Variants in C9 observed in about 807,000 individuals in gnomAD.
C9 encodes complement component C9.
A neutral mutation model predicts 65.4 loss-of-function variants in C9; 63 were observed. That is an observed-to-expected ratio of 0.96 (90% CI 0.79 to 1.19). C9 has a LOEUF of 1.19. Among genes scored for constraint, C9 ranks in the 50% most tolerant of loss-of-function variants. C9 has a pLI of 0.00. For missense variants in C9, 744 were observed against 670.1 expected, an observed-to-expected ratio of 1.11 and a Z score of -1.22; for synonymous variants, 229 against 227.9, an observed-to-expected ratio of 1.00 and a Z score of -0.04.
intron 1 of C9, among the ~76,000 whole-genome samples, chr5:39,357,942 G>A (rs192181660): frequency 9.9e-5 from 15 of 152,220 alleles, no homozygotes; most frequent in African/African-American, 3.6e-4. Context: ...TGTGTACGAA[G>A]CCACCTACGA....
chr5:39,322,963 C>T (rs1000690798), intron 5 of C9, among the ~76,000 whole-genome samples: 1 of 151,920 alleles, frequency 6.6e-6, no homozygotes, highest in African/African-American at 2.4e-5. Context: ...GGGACCAATT[C>T]CTCATAGATA....
intron 5 of C9, among the ~76,000 whole-genome samples, chr5:39,326,419 A>G (rs921165916): frequency 1.3e-5 from 2 of 152,186 alleles, no homozygotes; most frequent in Non-Finnish European, 2.9e-5. Flanking sequence ...GCCTTTTGTC[A>G]TCTGCTTCTT....
chr5:39,348,510 G>C (rs1050165403), intron 1 of C9, among the ~76,000 whole-genome samples: 1 of 152,216 alleles, frequency 6.6e-6, no homozygotes, highest in East Asian at 1.9e-4. Context: ...TCATTAAAAA[G>C]TCAGGAAACA....
chr5:39,347,313 C>A (rs766471641), intron 1 of C9, among the ~76,000 whole-genome samples: 5 of 152,210 alleles, frequency 3.3e-5, no homozygotes, highest in Non-Finnish European at 5.9e-5. Context: ...TGATAAGCAA[C>A]TTCAGCAAAG....
At position 39,341,608 on chromosome 5, in the gene C9, C is replaced by T. The variant is rs1187613025; in HGVS notation, c.276G>A (p.Glu92=). The change falls in exon 3 of 11, where the codon GAG becomes GAA. Residue 92 remains glutamate, a synonymous_variant. Transcript: ENST00000263408. ...AGTCATCCTCAGCATCCTCACAGGG[C>T]TCTGTGGGCACACACTGTCGTCTGT... ...VGDRRQCVPT[E]PCEDAEDDCG... is the part of the protein sequence containing the mutation. The T allele has an allele frequency of 1.2e-6, 2 of 1,614,106 alleles. No individual in the cohort carries two copies. Among genetic ancestry groups the T allele is most frequent in the Non-Finnish European group, 1.7e-6 (2 of 1,179,934 alleles).
At chr5:39,306,325 T>C (rs1217182334) in intron 9 of C9, among the ~76,000 whole-genome samples, 1 of 152,134 alleles carries the variant, frequency 6.6e-6, no homozygotes, top group Non-Finnish European at 1.5e-5. Context: ...ATGCTCTATA[T>C]AAGCAATTTC....
intron 1 of C9, among the ~76,000 whole-genome samples, 196 bp from the exon 2 acceptor site, chr5:39,342,392 G>A (rs914788094): frequency 2.6e-5 from 4 of 151,884 alleles, no homozygotes; most frequent in South Asian, 4.2e-4. Flanking sequence ...ATTCTTGTCT[G>A]TATTGTAAGT....
chr5:39,320,751 T>A (rs1579856537), intron 5 of C9, among the ~76,000 whole-genome samples: 1 of 152,030 alleles, frequency 6.6e-6, no homozygotes, highest in East Asian at 1.9e-4. Context: ...TCAAAAGTCA[T>A]ACAATAAGGA....
At chr5:39,325,074 C>A (rs1221516432) in intron 5 of C9, among the ~76,000 whole-genome samples, 1 of 152,136 alleles carries the variant, frequency 6.6e-6, no homozygotes, top group African/African-American at 2.4e-5. Flanking sequence ...GTTTGGAGAG[C>A]AGTTGTAAAT....
intron 1 of C9, among the ~76,000 whole-genome samples, chr5:39,357,980 A>C (rs1473365759): frequency 6.6e-6 from 1 of 152,096 alleles, no homozygotes; most frequent in South Asian, 2.1e-4. Flanking sequence ...AGAGAGAGAG[A>C]TATTCCTAAA....
At chr5:39,292,914 GAAATAAAATGGAATCATATAACAT>G (rs1296296406) in intron 9 of C9, among the ~76,000 whole-genome samples, 1 of 130,086 alleles carries the variant, frequency 7.7e-6, no homozygotes, top group Non-Finnish European at 1.8e-5. Context: ...ATCAATACTG[GAAATAAAATGGAATCATATAACAT>G]ACTGAATAAA....
intron 1 of C9, among the ~76,000 whole-genome samples, chr5:39,352,314 C>A (rs1260458171): frequency 6.6e-6 from 1 of 152,168 alleles, no homozygotes; most frequent in African/African-American, 2.4e-5. Flanking sequence ...ATATCAGACA[C>A]CCAGAGATAA....
chr5:39,295,205 A>G (rs773119119), intron 9 of C9, among the ~76,000 whole-genome samples: 3 of 151,936 alleles, frequency 2.0e-5, no homozygotes, highest in Non-Finnish European at 2.9e-5. Context: ...AATCCGAGCC[A>G]GAGCACTTAG....
At chr5:39,363,181 T>G (rs1754552280) in intron 1 of C9, among the ~76,000 whole-genome samples, 2 of 152,230 alleles carry the variant, frequency 1.3e-5, no homozygotes, top group African/African-American at 4.8e-5. Flanking sequence ...ATCCCTTTTG[T>G]GCCCAGATGC....
At chr5:39,313,460 T>C in intron 6 of C9, among the ~76,000 whole-genome samples, 1 of 152,278 alleles carries the variant, frequency 6.6e-6, no homozygotes, top group Non-Finnish European at 1.5e-5. Context: ...TTAATAGAGA[T>C]TATTTTCTTG....
chr5:39,334,484 G>T (rs532969330), intron 4 of C9, among the ~76,000 whole-genome samples: 1 of 146,932 alleles, frequency 6.8e-6, no homozygotes, highest in South Asian at 2.1e-4. Context: ...AGTGAGGAGC[G>T]TCTCTGCCAG....
chr5:39,288,264 G>A (rs1441711282), intron 10 of C9, among the ~76,000 whole-genome samples: 1 of 151,622 alleles, frequency 6.6e-6, no homozygotes, highest in East Asian at 1.9e-4. Flanking sequence ...GAATTTTTTT[G>A]GGGGGCGGGG....
At chr5:39,345,008 G>A (rs1754163566) in intron 1 of C9, among the ~76,000 whole-genome samples, 1 of 152,158 alleles carries the variant, frequency 6.6e-6, no homozygotes, top group Admixed American at 6.5e-5. Flanking sequence ...CCCTACAGGA[G>A]CTCCTGAAGG....
At chr5:39,289,685 T>C (rs1440697636) in intron 9 of C9, among the ~76,000 whole-genome samples, 1 of 151,888 alleles carries the variant, frequency 6.6e-6, no homozygotes, top group Non-Finnish European at 1.5e-5. Context: ...TGTCAGTGAT[T>C]TCCATTTGCA....
Sources: gnomAD v4.1 joint callset for allele counts (sites outside exome capture counted in the v4.1 genomes callset) on GRCh38, gnomAD v4.1.1 for gene constraint, MANE v1.5 for transcripts, NCBI Gene and HGNC (gene_info 2026-07-23, HGNC 2026-07-21) for gene names.